Variants in CSMD1 observed in about 807,000 individuals in gnomAD.
The protein encoded by CSMD1 is CUB and Sushi multiple domains 1, also known as CUB and sushi domain-containing protein 1.
CSMD1 carries 213 observed loss-of-function variants against 417.5 expected under a neutral mutation model. The observed-to-expected ratio is 0.51, with a 90% CI of 0.46 to 0.57. The LOEUF is 0.57. Ranked by LOEUF, CSMD1 falls within the 20% of genes least tolerant of loss-of-function variation. The pLI is 0.00. For synonymous variants in CSMD1, 2,862 were observed against 1,736.8 expected (o/e 1.65, Z -16.11); for missense variants, 6,923 against 4,529.7 (o/e 1.53, Z -15.17).
chr8:3,974,867 T>C (rs377186891), intron 5 of CSMD1, among the ~76,000 whole-genome samples: 1 of 152,138 alleles, frequency 6.6e-6, no homozygotes, highest in African/African-American at 2.4e-5. Context: ...TCAGGTGTTA[T>C]CATAATTTAA....
chr8:3,498,083 C>T (rs1406311582), intron 10 of CSMD1, among the ~76,000 whole-genome samples: 2 of 151,430 alleles, frequency 1.3e-5, no homozygotes, highest in African/African-American at 2.4e-5. Flanking sequence ...TCTTGGCTGA[C>T]ATTTCTTCTT....
Position 3,399,536 on chromosome 8 carries a change from C to T in CSMD1, c.2267-7G>A, listed in dbSNP as rs754512402. 4 of 1,578,392 alleles carry T rather than the reference C, an allele frequency of 2.5e-6. No individual in the cohort carries two copies. On this transcript the variant is annotated splice_polypyrimidine_tract_variant and splice_region_variant and intron_variant, in intron 15 of 69. Coordinates refer to ENST00000635120, the MANE Select transcript of CSMD1 (RefSeq NM_033225.6). ...AGATGTCCACCACATGGAGCTAAAA[C>T]AAGACGTAGAATATCTATTAGATCC...
intron 5 of CSMD1, among the ~76,000 whole-genome samples, chr8:3,814,372 C>G (rs188888556): frequency 1.7e-4 from 26 of 152,270 alleles, no homozygotes; most frequent in African/African-American, 6.0e-4. Flanking sequence ...ATGGCTTTAC[C>G]TCTTATACAT....
chr8:3,106,262 T>C (rs1013083912), intron 46 of CSMD1, among the ~76,000 whole-genome samples: 2 of 147,434 alleles, frequency 1.4e-5, no homozygotes. Flanking sequence ...CCAGGCATGG[T>C]GGTGCATGCA....
intron 5 of CSMD1, among the ~76,000 whole-genome samples, chr8:3,781,410 G>A (rs538512890): frequency 2.0e-5 from 3 of 152,144 alleles, no homozygotes; most frequent in Middle Eastern, 3.2e-3. Context: ...GTGAGGCCAG[G>A]TGGACTGGGA....
At position 4,217,880 on chromosome 8, in the gene CSMD1, G is replaced by A. The variant is rs545138887; in HGVS notation, c.416-185781C>T. ...GGTGAGCCAGAAAGGAAACATAAGAGGAGGTGGTTTCAGATGAGACTATGC... is the reference window on the plus strand; with the variant it reads ...GGTGAGCCAGAAAGGAAACATAAGAAGAGGTGGTTTCAGATGAGACTATGC... On this transcript the variant is annotated intron_variant, in intron 3 of 69. Transcript: ENST00000635120. Among the ~76,000 whole-genome samples the A allele has an allele frequency of 3.9e-5, 6 of 152,270 alleles. No homozygotes were observed. In the South Asian group the frequency reaches 1.0e-3, roughly 26 times the overall value.
intron 2 of CSMD1, among the ~76,000 whole-genome samples, chr8:4,477,319 G>A (rs552440273): frequency 3.9e-5 from 6 of 152,238 alleles, no homozygotes; most frequent in South Asian, 2.1e-4. Flanking sequence ...AAGCCGAGGC[G>A]TTGGTGCTGG....
At chr8:3,314,508 C>G (rs1247041637) in intron 23 of CSMD1, among the ~76,000 whole-genome samples, 1 of 152,120 alleles carries the variant, frequency 6.6e-6, no homozygotes, top group Non-Finnish European at 1.5e-5. Flanking sequence ...TTAAAAAAGA[C>G]TAAATCACAT....
At chr8:4,705,264 T>G (rs1202686772) in intron 1 of CSMD1, among the ~76,000 whole-genome samples, 1 of 152,168 alleles carries the variant, frequency 6.6e-6, no homozygotes, top group African/African-American at 2.4e-5. Flanking sequence ...ATTTTTTTTA[T>G]AGCAGTGTGA....
intron 3 of CSMD1, among the ~76,000 whole-genome samples, chr8:4,192,206 A>T (rs1018921638): frequency 1.3e-5 from 2 of 152,288 alleles, no homozygotes; most frequent in South Asian, 4.1e-4. Context: ...TCAAAGTTAA[A>T]ACAGCAAAGA....
chr8:4,000,824 C>A (rs998492093), intron 4 of CSMD1, among the ~76,000 whole-genome samples: 15 of 151,852 alleles, frequency 9.9e-5, no homozygotes, highest in East Asian at 1.9e-4. Context: ...AATGTAAACA[C>A]AGATGCAGAA....
chr8:4,030,564 A>G (rs1184868135), intron 4 of CSMD1, among the ~76,000 whole-genome samples: 2 of 152,070 alleles, frequency 1.3e-5, no homozygotes, highest in Admixed American at 6.5e-5. Context: ...GGCCCTCAAA[A>G]CTACTTTTAT....
At chr8:4,151,657 A>C (rs972763764) in intron 3 of CSMD1, among the ~76,000 whole-genome samples, 2 of 152,162 alleles carry the variant, frequency 1.3e-5, no homozygotes, top group Non-Finnish European at 2.9e-5. Flanking sequence ...CATCATTATT[A>C]TTATGTCAAC....
rs1238790805 is a variant in CSMD1, at chr8:4,077,812, T to C, written c.416-45713A>G. ...CAAAAGTTGTTCTCACTCTGTTCCA[T>C]GGGAATTTTCAGATACATAAACCAA... On this transcript the variant is annotated intron_variant, in intron 3 of 69. Coordinates refer to ENST00000635120, the MANE Select transcript of CSMD1 (RefSeq NM_033225.6). 2.0e-5 allele frequency among the ~76,000 whole-genome samples: 3 copies of C among 152,302 alleles called. 1 individual carries two copies. Among genetic ancestry groups the C allele is most frequent in the Middle Eastern group, 3.4e-3 (1 of 294 alleles).
chr8:3,889,493 A>AT (rs1491523329), intron 5 of CSMD1, among the ~76,000 whole-genome samples: 10,633 of 43,682 alleles, frequency 0.24, 1,753 homozygotes, highest in Non-Finnish European at 0.29. Context: ...ATATATATAT[A>AT]AAATATGCTC....
intron 3 of CSMD1, among the ~76,000 whole-genome samples, chr8:4,121,468 T>C (rs2130944410): frequency 6.6e-6 from 1 of 152,314 alleles, no homozygotes; most frequent in East Asian, 1.9e-4. Context: ...TTGCTATACT[T>C]GCTTCTAGTT....
intron 3 of CSMD1, among the ~76,000 whole-genome samples, chr8:4,413,996 A>C (rs1208115521): frequency 6.6e-6 from 1 of 152,220 alleles, no homozygotes; most frequent in Non-Finnish European, 1.5e-5. Flanking sequence ...CTATGGGCTA[A>C]TGGAGAGCCA....
chr8:4,938,177 A>C (rs1465597428), intron 1 of CSMD1, among the ~76,000 whole-genome samples: 3 of 152,200 alleles, frequency 2.0e-5, no homozygotes, highest in East Asian at 3.9e-4. Flanking sequence ...GGAAATATAG[A>C]AATAGTCAGA....
At chr8:4,607,516 C>G (rs996610993) in intron 2 of CSMD1, among the ~76,000 whole-genome samples, 2 of 152,144 alleles carry the variant, frequency 1.3e-5, no homozygotes, top group Non-Finnish European at 2.9e-5. Context: ...CTAAGACAAA[C>G]TGGATTCAAC....
Sources: allele counts gnomAD v4.1 joint callset (sites outside exome capture counted in the v4.1 genomes callset), GRCh38; gene constraint gnomAD v4.1.1; transcripts MANE v1.5; gene names NCBI Gene and HGNC (gene_info 2026-07-23, HGNC 2026-07-21).